SNRPN: variants seen among roughly 807,000 people sequenced by gnomAD.
SNRPN encodes small nuclear ribonucleoprotein polypeptide N.
A neutral mutation model predicts 25.2 loss-of-function variants in SNRPN; 7 were observed. The observed-to-expected ratio is 0.28, with a 90% CI of 0.16 to 0.52. The LOEUF is 0.52. Among genes scored for constraint, SNRPN ranks in the 20% least tolerant of loss-of-function variants. SNRPN has a pLI of 0.96. For missense variants in SNRPN, 196 were observed against 322.5 expected, an observed-to-expected ratio of 0.61 and a Z score of 3.00; for synonymous variants, 124 against 110.6, an observed-to-expected ratio of 1.12 and a Z score of -0.76.
chr15:24,920,042 C>G (rs571418891), exon 3 of SNRPN: 1 of 152,154 alleles, frequency 6.6e-6, no homozygotes, highest in Non-Finnish European at 1.5e-5. Flanking sequence ...AGGCAACATT[C>G]CCTGAACATA....
chr15:24,954,088 T>C (rs1461190831), upstream of SNRPN, among the ~76,000 whole-genome samples: 2 of 152,214 alleles, frequency 1.3e-5, no homozygotes, highest in African/African-American at 4.8e-5. Flanking sequence ...ATTATTTTCT[T>C]CTTTTCTGCA....
At position 24,959,966 on chromosome 15, in the gene SNRPN, TAGAA is replaced by T. The variant is rs540872995; in HGVS notation, c.-390-2143_-390-2140del. Among the ~76,000 whole-genome samples, 8 of 152,254 alleles carry T rather than the reference TAGAA, an allele frequency of 5.3e-5. No individual in the cohort carries two copies. The South Asian group carries it at 1.5e-3, about 28-fold the overall frequency. ...GTAGCTGGGAAGGCTGCAGGTATAATAGAAAGAACATGAACTGTCTGGGCATGGT... is the reference window on the plus strand; with the variant it reads ...GTAGCTGGGAAGGCTGCAGGTATAATAGAACATGAACTGTCTGGGCATGGT... On this transcript the variant is annotated intron_variant, in intron 1 of 9. Coordinates refer to ENST00000390687, the MANE Select transcript of SNRPN (RefSeq NM_003097.6).
At chr15:24,893,231 AC>A (rs559360265) in intron 2 of SNRPN, among the ~76,000 whole-genome samples, 1 of 56,336 alleles carries the variant, frequency 1.8e-5, no homozygotes, top group African/African-American at 1.2e-4. Flanking sequence ...AAACAAACAA[AC>A]AAAAACAGAA....
chr15:24,918,342 A>ATAAATATAACATAATATATATGTG (rs2059670792), intron 2 of SNRPN, among the ~76,000 whole-genome samples: 1 of 47,098 alleles, frequency 2.1e-5, no homozygotes, highest in South Asian at 9.4e-4. Context: ...ATATATGTGT[A>ATAAATATAACATAATATATATGTG]TATATATATA....
chr15:24,846,522 C>T (rs1483826866), intron 2 of SNRPN, among the ~76,000 whole-genome samples: 2 of 152,094 alleles, frequency 1.3e-5, no homozygotes, highest in Non-Finnish European at 2.9e-5. Context: ...CTGTGGAAAT[C>T]CACAAAATGC....
At chr15:24,885,430 C>G (rs1421514050) in intron 1 of SNRPN, among the ~76,000 whole-genome samples, 1 of 152,200 alleles carries the variant, frequency 6.6e-6, no homozygotes, top group Non-Finnish European at 1.5e-5. Context: ...AACTTCTCAC[C>G]TGGTGAGATG....
At chr15:24,957,441 T>G (rs989758734) in intron 1 of SNRPN, among the ~76,000 whole-genome samples, 1 of 152,228 alleles carries the variant, frequency 6.6e-6, no homozygotes, top group Non-Finnish European at 1.5e-5. Flanking sequence ...TTGGAGCTAC[T>G]ACAAAAATTT....
intron 2 of SNRPN, among the ~76,000 whole-genome samples, chr15:24,891,217 A>G (rs564682780): frequency 3.8e-4 from 58 of 152,178 alleles, no homozygotes; most frequent in African/African-American, 1.3e-3. Flanking sequence ...TTTTGAGACA[A>G]GGTCTCAAAA....
chr15:24,966,094 A>G (rs551853100), intron 2 of SNRPN, among the ~76,000 whole-genome samples: 28 of 152,272 alleles, frequency 1.8e-4, no homozygotes, highest in Non-Finnish European at 2.6e-4. Flanking sequence ...CAAATTTCAC[A>G]GTTGTCTAGA....
intron 3 of SNRPN, among the ~76,000 whole-genome samples, chr15:24,944,434 C>T (rs186039642): frequency 1.4e-4 from 22 of 152,216 alleles, no homozygotes; most frequent in Middle Eastern, 3.4e-3. Context: ...CTGGGCTGGG[C>T]GTTGTGGGAT....
At chr15:24,899,210 A>G (rs956204935) in intron 2 of SNRPN, among the ~76,000 whole-genome samples, 4 of 152,178 alleles carry the variant, frequency 2.6e-5, no homozygotes, top group Non-Finnish European at 5.9e-5. Flanking sequence ...TATTACAAAC[A>G]TCAACGGAAA....
At chr15:24,856,327 C>T (rs1299310622), upstream of SNRPN, among the ~76,000 whole-genome samples, 1 of 152,162 alleles carries the variant, frequency 6.6e-6, no homozygotes, top group Admixed American at 6.5e-5. Context: ...ACATCATTCC[C>T]TGCTTTATTT....
chr15:24,935,892 G>A lies in SNRPN; in HGVS notation c.-391+15768G>A, dbSNP rs555373288. On this transcript the variant is annotated intron_variant, in intron 3 of 11. Coordinates refer to the SNRPN transcript ENST00000400097. ...CCAGTACTTTGGGAGGCCAAGGTGGGTGGATCACGAGGTCAGTTCAAGACC... is the reference window on the plus strand; with the variant it reads ...CCAGTACTTTGGGAGGCCAAGGTGGATGGATCACGAGGTCAGTTCAAGACC... 7.9e-4 allele frequency among the ~76,000 whole-genome samples: 120 copies of A among 152,232 alleles called. 2 individuals carry two copies. The highest frequency in any genetic ancestry group is 5.2e-3 in the South Asian group (25 of 4,816).
intron 3 of SNRPN, among the ~76,000 whole-genome samples, chr15:24,924,654 T>TA (rs1249596096): frequency 6.6e-6 from 1 of 151,936 alleles, no homozygotes; most frequent in Non-Finnish European, 1.5e-5. Flanking sequence ...GGCTACTTTT[T>TA]TTTTTTTTAT....
At chr15:24,845,106 C>T (rs931436055) in intron 2 of SNRPN, among the ~76,000 whole-genome samples, 1 of 152,264 alleles carries the variant, frequency 6.6e-6, no homozygotes, top group Admixed American at 6.5e-5. Flanking sequence ...TTCCGTGGCA[C>T]ATGAGTCAAA....
chr15:24,971,404 A>G (rs538431703), intron 3 of SNRPN, among the ~76,000 whole-genome samples: 2 of 152,306 alleles, frequency 1.3e-5, no homozygotes, highest in Non-Finnish European at 2.9e-5. Flanking sequence ...TATCACATTT[A>G]GGGATGAGAG....
intron 2 of SNRPN, among the ~76,000 whole-genome samples, chr15:24,840,261 G>C (rs1205877089): frequency 3.9e-5 from 6 of 152,196 alleles, no homozygotes. Flanking sequence ...AGGAGGCTGA[G>C]ACAGGAGAAT....
rs184262234 is a variant in SNRPN, at chr15:24,937,393, G to T, written c.-391+17269G>T. Among the ~76,000 whole-genome samples, 245 of 152,082 alleles carry T rather than the reference G, an allele frequency of 1.6e-3. 2 individuals are homozygous for T. Among genetic ancestry groups the T allele is most frequent in the African/African-American group, 5.8e-3 (242 of 41,480 alleles). Reference sequence around the variant, plus strand: ...AAAAAGCAAGACAAAAACAAAACAGGCATGGTGATGTGCACCTGTAGTCCC... The same window carrying T: ...AAAAAGCAAGACAAAAACAAAACAGTCATGGTGATGTGCACCTGTAGTCCC... On this transcript the variant is annotated intron_variant, in intron 3 of 11. Transcript: ENST00000400097.
At chr15:24,955,328 C>T (rs960439203) in intron 1 of SNRPN, among the ~76,000 whole-genome samples, 5 of 151,950 alleles carry the variant, frequency 3.3e-5, no homozygotes, top group Admixed American at 3.3e-4. Context: ...TTGCGGGTGT[C>T]TGCGGTGGGA....
Sources: allele counts gnomAD v4.1 joint callset (sites outside exome capture counted in the v4.1 genomes callset), GRCh38; gene constraint gnomAD v4.1.1; transcripts MANE v1.5; gene names NCBI Gene and HGNC (gene_info 2026-07-23, HGNC 2026-07-21).